The following PCOLCE2 variants were observed in gnomAD, a reference collection of about 807,000 sequenced individuals.
PCOLCE2 encodes the protein procollagen C-proteinase enhancer 2.
In PCOLCE2, 42 loss-of-function variants were observed where a neutral mutation model predicts 47.0. That is an observed-to-expected ratio of 0.89 (90% CI 0.70 to 1.16). The LOEUF (loss-of-function observed/expected upper bound fraction) is 1.16. Among genes scored for constraint, PCOLCE2 ranks in the 50% most tolerant of loss-of-function variants. PCOLCE2 has a pLI of 0.00. For synonymous variants in PCOLCE2, 169 were observed against 191.7 expected, an observed-to-expected ratio of 0.88 and a Z score of 0.98; for missense variants, 500 against 526.1, an observed-to-expected ratio of 0.95 and a Z score of 0.49.
chr3:142,820,980 T>C lies in PCOLCE2; in HGVS notation c.1015A>G (p.Ile339Val), dbSNP rs1937006607. The stretch of plus-strand genomic sequence containing the variant: ...AAATTTCCCTCTTTGTAGATGTTGA[T>C]GATCGAGACTGTGGCGTGCAAACTC... Reference protein sequence around the residue: ...DGSLHATVSIINIYKEGNLAI... With the variant: ...DGSLHATVSIVNIYKEGNLAI... The change falls in exon 8 of 9, where the codon ATC becomes GTC. Residue 339 changes from isoleucine to valine, a missense_variant. Ile to Val is a conservative substitution (Grantham distance 29). Transcript: ENST00000295992. The C allele has an allele frequency of 6.2e-7, 1 of 1,614,052 alleles. No homozygotes were observed. Among genetic ancestry groups the C allele is most frequent in the South Asian group, 1.1e-5 (1 of 91,068 alleles).
chr3:142,845,773 G>A (rs1450339173), intron 3 of PCOLCE2, among the ~76,000 whole-genome samples: 8 of 152,108 alleles, frequency 5.3e-5, no homozygotes, highest in African/African-American at 1.7e-4. Flanking sequence ...TCAGGAGTTC[G>A]AAACCAGCCT....
chr3:142,843,306 T>C (rs1937288632), intron 3 of PCOLCE2: 1 of 532,184 alleles, frequency 1.9e-6, no homozygotes, highest in Admixed American at 2.2e-5. Context: ...TTTCTTTTTT[T>C]TTCCTTAGAC....
At position 142,848,360 on chromosome 3, in the gene PCOLCE2, C is replaced by T. The variant is rs762505464; in HGVS notation, c.305G>A (p.Arg102His). Reference sequence around the variant, plus strand: ...GAAAGTGCCACAGAAGCGGCCAATGCGCTGGCCATTGGCATGGCCATTGTA... The same window carrying T: ...GAAAGTGCCACAGAAGCGGCCAATGTGCTGGCCATTGGCATGGCCATTGTA... ...DVYNGHANGQ[R>H]IGRFCGTFRP... Residue 102 changes from arginine to histidine, a missense_variant, in exon 3 of 9, where the codon CGC (arginine) becomes CAC (histidine). Arg to His is a conservative substitution (Grantham distance 29, BLOSUM62 0). Coordinates refer to ENST00000295992, the MANE Select transcript of PCOLCE2 (RefSeq NM_013363.4). 2.4e-5 allele frequency: 38 copies of T among 1,614,012 alleles called. 1 individual carries two copies. The East Asian group carries it at 3.8e-4, about 16-fold the overall frequency.
At chr3:142,827,615 C>T (rs1937097865) in intron 6 of PCOLCE2, 3 of 1,474,478 alleles carry the variant, frequency 2.0e-6, no homozygotes, top group African/African-American at 1.4e-5. Flanking sequence ...CACAAACTGG[C>T]CCGTGTGAAT....
chr3:142,872,888 C>CA (rs1313294458), intron 2 of PCOLCE2, among the ~76,000 whole-genome samples: 2 of 151,762 alleles, frequency 1.3e-5, no homozygotes, highest in African/African-American at 4.8e-5. Flanking sequence ...AGAATTTCCC[C>CA]AAAAAAAGTG....
At chr3:142,866,339 T>G (rs1353185391) in intron 2 of PCOLCE2, among the ~76,000 whole-genome samples, 1 of 152,138 alleles carries the variant, frequency 6.6e-6, no homozygotes, top group Non-Finnish European at 1.5e-5. Context: ...TCTCAGGCCT[T>G]AGGACTCCAG....
intron 1 of PCOLCE2, 131 bp downstream of exon 1, chr3:142,888,683 G>A (rs1560144589): frequency 1.9e-5 from 10 of 517,032 alleles, no homozygotes; most frequent in East Asian, 7.1e-5. Context: ...CGCCTGCACC[G>A]CGCGGGAGCG....
chr3:142,836,061 G>C (rs947043543), intron 5 of PCOLCE2, among the ~76,000 whole-genome samples: 3 of 152,038 alleles, frequency 2.0e-5, no homozygotes, highest in African/African-American at 7.3e-5. Context: ...TATTTCTACT[G>C]TTTCTAATGC....
chr3:142,867,831 T>C (rs760107529), intron 2 of PCOLCE2, among the ~76,000 whole-genome samples: 2 of 152,172 alleles, frequency 1.3e-5, no homozygotes, highest in Non-Finnish European at 2.9e-5. Context: ...AGCAGATACC[T>C]ATATATATAA....
At chr3:142,829,541 T>C in intron 6 of PCOLCE2, 151 bp downstream of exon 6, 1 of 540,640 alleles carries the variant, frequency 1.8e-6, no homozygotes, top group Non-Finnish European at 3.2e-6. Flanking sequence ...TACCTTTCTT[T>C]CATTAATGCA....
At chr3:142,824,514 A>C (rs919433829) in intron 6 of PCOLCE2, among the ~76,000 whole-genome samples, 2 of 152,242 alleles carry the variant, frequency 1.3e-5, no homozygotes, top group African/African-American at 2.4e-5. Flanking sequence ...TTTCTGTGTG[A>C]CAATATGCTA....
chr3:142,873,403 A>G (rs1030648880), intron 2 of PCOLCE2, among the ~76,000 whole-genome samples: 3 of 151,864 alleles, frequency 2.0e-5, no homozygotes, highest in Admixed American at 6.6e-5. Context: ...CAAAAAAAAA[A>G]AAAAAAGAAA....
At chr3:142,852,902 A>AT (rs1452433407) in intron 2 of PCOLCE2, among the ~76,000 whole-genome samples, 1 of 151,664 alleles carries the variant, frequency 6.6e-6, no homozygotes, top group Non-Finnish European at 1.5e-5. Context: ...TCCAGGAGTT[A>AT]AAGACCAGCC....
chr3:142,859,190 G>C (rs1021495108), intron 2 of PCOLCE2, among the ~76,000 whole-genome samples: 3 of 151,878 alleles, frequency 2.0e-5, no homozygotes, highest in Non-Finnish European at 2.9e-5. Flanking sequence ...AGCCTCCCAA[G>C]TAGGTGGGAC....
At chr3:142,857,885 C>T (rs759579476) in intron 2 of PCOLCE2, among the ~76,000 whole-genome samples, 1 of 152,242 alleles carries the variant, frequency 6.6e-6, no homozygotes, top group Non-Finnish European at 1.5e-5. Context: ...CCCAGGCTAA[C>T]ATTCTGGCCT....
rs563299275 is a variant in PCOLCE2, at chr3:142,888,592, C to T, written c.83+222G>A. The T allele has an allele frequency of 1.7e-5, 7 of 410,626 alleles. No homozygotes were observed. In the South Asian group the frequency reaches 5.3e-4, roughly 31 times the overall value. 25.4% of individuals were successfully genotyped at this position (410,626 alleles called of 1,614,324 possible). A position where few individuals can be genotyped will look rare whatever the true frequency, so the allele number is the denominator to read the frequency against. On this transcript the variant is annotated intron_variant, in intron 1 of 8. Transcript: ENST00000295992. ...CCAGCTGCAGGGCCATCCGGCAGGC[C>T]GGGCTGGGGACCCAGGAGGGAGCCC...
intron 2 of PCOLCE2, among the ~76,000 whole-genome samples, chr3:142,879,346 AC>A (rs1933559605): frequency 6.6e-6 from 1 of 152,190 alleles, no homozygotes; most frequent in Admixed American, 6.5e-5. Context: ...TGAACACAGC[AC>A]TAAAAATACA....
chr3:142,822,724 T>A (rs972299116), intron 7 of PCOLCE2, among the ~76,000 whole-genome samples: 1 of 152,164 alleles, frequency 6.6e-6, no homozygotes, highest in African/African-American at 2.4e-5. Flanking sequence ...AGGTTTAGGG[T>A]CCCAGAGTCT....
chr3:142,887,872 A>T (rs1933745465), intron 1 of PCOLCE2, 95 bp from the exon 2 acceptor site: 1 of 696,344 alleles, frequency 1.4e-6, no homozygotes, highest in African/African-American at 1.8e-5. Context: ...TAATATAAAT[A>T]AAAGTTAATG....
Sources: gnomAD v4.1 joint callset for allele counts (sites outside exome capture counted in the v4.1 genomes callset) on GRCh38, gnomAD v4.1.1 for gene constraint, MANE v1.5 for transcripts, NCBI Gene and HGNC (gene_info 2026-07-23, HGNC 2026-07-21) for gene names.